ASCC2: variants seen among roughly 807,000 people sequenced by gnomAD.
ASCC2 encodes the protein activating signal cointegrator 1 complex subunit 2.
ASCC2 carries 42 observed loss-of-function variants against 93.5 expected under a neutral mutation model. That is an observed-to-expected ratio of 0.45 (90% confidence interval 0.35 to 0.58). ASCC2 has a LOEUF of 0.58. ASCC2 is among the 20% of genes least tolerant of loss of function. The pLI is 0.00. For synonymous variants in ASCC2, 364 were observed against 384.2 expected, an observed-to-expected ratio of 0.95 and a Z score of 0.62; for missense variants, 859 against 977.6, an observed-to-expected ratio of 0.88 and a Z score of 1.62.
intron 1 of ASCC2, among the ~76,000 whole-genome samples, chr22:29,834,852 AT>A (rs1044333953): frequency 7.3e-5 from 11 of 151,538 alleles, no homozygotes; most frequent in South Asian, 2.1e-4. Context: ...AATAATAATA[AT>A]TTTTTTTTCT....
At chr22:29,835,255 A>C (rs1264720381) in intron 1 of ASCC2, among the ~76,000 whole-genome samples, 1 of 152,066 alleles carries the variant, frequency 6.6e-6, no homozygotes, top group Non-Finnish European at 1.5e-5. Context: ...AAAATTAGTC[A>C]GGTGTGGTGG....
At position 29,822,451 on chromosome 22, in the gene ASCC2, G is replaced by C; in HGVS notation, c.425C>G (p.Ser142Cys). The change falls in exon 5 of 20, where the codon TCC becomes TGC. Residue 142 changes from serine to cysteine, a missense_variant. By Grantham distance (112) the Ser-to-Cys change is moderately radical (BLOSUM62 -1). Transcript: ENST00000307790. Reference sequence around the variant, plus strand: ...GAGGATTTCTCCAAACGCAGAAGGGGAAATGAAGTGATCCTAAGGAAAAAT... The same window carrying C: ...GAGGATTTCTCCAAACGCAGAAGGGCAAATGAAGTGATCCTAAGGAAAAAT... ...THKESKDHFISPSAFGEILYN... is the reference protein window; with the variant it reads ...THKESKDHFICPSAFGEILYN... 6.2e-7 allele frequency: 1 copy of C among 1,613,806 alleles called. No individual in the cohort carries two copies. The highest frequency in any genetic ancestry group is 8.5e-7 in the Non-Finnish European group (1 of 1,179,866).
intron 6 of ASCC2, among the ~76,000 whole-genome samples, chr22:29,815,459 G>A (rs190904104): frequency 1.3e-5 from 2 of 152,174 alleles, no homozygotes; most frequent in East Asian, 1.9e-4. Context: ...TTGAAAATAA[G>A]ACAAATCAAC....
intron 2 of ASCC2, among the ~76,000 whole-genome samples, chr22:29,829,671 C>A (rs777050902): frequency 4.6e-5 from 7 of 151,816 alleles, no homozygotes; most frequent in Non-Finnish European, 7.4e-5. Flanking sequence ...TGCACTCCAG[C>A]CTAGGCGACA....
chr22:29,801,861 G>T (rs776475759), intron 14 of ASCC2, 133 bp downstream of exon 14: 11 of 790,012 alleles, frequency 1.4e-5, no homozygotes, highest in Non-Finnish European at 2.2e-5. Flanking sequence ...CCCCAAAGAG[G>T]GCTTTAGTTT....
chr22:29,803,344 C>A (rs1487247600), intron 13 of ASCC2, among the ~76,000 whole-genome samples: 6 of 151,994 alleles, frequency 3.9e-5, no homozygotes. Flanking sequence ...GTATGACTTA[C>A]CAGCTGGGCT....
At chr22:29,806,413 G>C in intron 11 of ASCC2, 72 bp downstream of exon 11, 1 of 1,575,552 alleles carries the variant, frequency 6.3e-7, no homozygotes, top group Non-Finnish European at 8.7e-7. Flanking sequence ...CCTATAGCGG[G>C]GGTCTATCAT....
intron 15 of ASCC2, among the ~76,000 whole-genome samples, chr22:29,800,571 T>G (rs1735984881): frequency 6.6e-6 from 1 of 152,156 alleles, no homozygotes; most frequent in Admixed American, 6.6e-5. Context: ...TAGAAAGGCC[T>G]TAAAGTGGAA....
chr22:29,822,350 G>T lies in ASCC2; in HGVS notation c.526C>A (p.Leu176Ile). The T allele has an allele frequency of 6.2e-7, 1 of 1,614,064 alleles. No homozygotes were observed. Among genetic ancestry groups the T allele is most frequent in the Non-Finnish European group, 8.5e-7 (1 of 1,179,966 alleles). ...TCCTACACACCTATCATCTTCTGGA[G>T]CAGTGGTGAGTTGCCTTTTCCAAAG... Reference protein sequence around the residue: ...VLFGKGNSPLLQKMIGNIFTQ... With the variant: ...VLFGKGNSPLIQKMIGNIFTQ... The change falls in exon 5 of 20, where the codon CTC becomes ATC. Residue 176 changes from leucine to isoleucine, a missense_variant. Leu to Ile is a conservative substitution (Grantham distance 5). Transcript: ENST00000307790.
intron 1 of ASCC2, among the ~76,000 whole-genome samples, chr22:29,837,435 G>A (rs903480082): frequency 1.1e-4 from 15 of 134,028 alleles, no homozygotes; most frequent in Non-Finnish European, 2.4e-4. Flanking sequence ...CCCGTCTTGG[G>A]GGGAAAAAAT....
chr22:29,818,400 G>GCCTACA (rs1261493605), intron 5 of ASCC2, among the ~76,000 whole-genome samples: 10 of 56,168 alleles, frequency 1.8e-4, no homozygotes, highest in South Asian at 4.5e-4. Context: ...ATCACTCCCT[G>GCCTACA]CCTACACACA....
In ASCC2 at chr22:29,793,472, C is replaced by T. The variant is rs146488197; in HGVS notation, c.1807G>A (p.Glu603Lys). 1.4e-5 allele frequency: 22 copies of T among 1,614,048 alleles called. No homozygotes were observed. Among genetic ancestry groups the T allele is most frequent in the Middle Eastern group, 3.3e-4 (2 of 6,084 alleles). The change falls in exon 17 of 20, where the codon GAG becomes AAG. Residue 603 changes from glutamate (E) to lysine (K), a missense_variant. Transcript: ENST00000307790. ...TAGACACTGTGGTAGGGCAGGCTCT[C>T]GCCTGGCTGCAGTGGCACCTGCAAT... ...VVEEVPLQPG[E>K]SLPYHSVYYE...
At chr22:29,837,300 G>T (rs928998028) in intron 1 of ASCC2, among the ~76,000 whole-genome samples, 1 of 151,992 alleles carries the variant, frequency 6.6e-6, no homozygotes, top group African/African-American at 2.4e-5. Context: ...GGGCGTGGTG[G>T]TGCATGCCTG....
chr22:29,814,829 G>T, intron 6 of ASCC2, 62 bp from the exon 7 acceptor site: 2 of 1,357,004 alleles, frequency 1.5e-6, no homozygotes, highest in Non-Finnish European at 1.0e-6. Context: ...ACCCCTGGCA[G>T]CAGCCAGGGT....
chr22:29,807,379 C>T (rs1173593798), intron 9 of ASCC2, among the ~76,000 whole-genome samples: 1 of 152,266 alleles, frequency 6.6e-6, no homozygotes, highest in African/African-American at 2.4e-5. Context: ...CTGGCAAAAG[C>T]CATAGGCCCA....
Position 29,802,077 on chromosome 22 carries a change from G to A in ASCC2, c.1485C>T (p.His495=), listed in dbSNP as rs1314739150. Residue 495 remains histidine (H), a synonymous_variant, in exon 14 of 20, where the codon CAC becomes CAT. Coordinates refer to ENST00000307790, the MANE Select transcript of ASCC2 (RefSeq NM_032204.5). ...GFILACLEYY[H]YDPEQVINNI... The stretch of plus-strand genomic sequence containing the variant: ...TGTTGATCACCTGCTCTGGGTCGTA[G>A]TGGTAGTACTCCAGGCAGGCCAGGA... 6.2e-7 allele frequency: 1 copy of A among 1,614,220 alleles called. No homozygotes were observed. The highest frequency in any genetic ancestry group is 2.2e-5 in the East Asian group (1 of 44,882).
chr22:29,806,072 C>A, intron 12 of ASCC2, 144 bp downstream of exon 12: 2 of 824,810 alleles, frequency 2.4e-6, no homozygotes, highest in Non-Finnish European at 2.0e-6. Flanking sequence ...AAGGCTGGGA[C>A]CTTGGCAGGC....
Position 29,789,123 on chromosome 22 carries a change from C to T in ASCC2, c.2164G>A (p.Glu722Lys), listed in dbSNP as rs778352767. ...TTCTTCCTGCGTTCCTGGGTTGTCT[C>T]GCGGCTCTGCCCATGGCCTCGGGGG... is the stretch of plus-strand genomic sequence containing the variant. Reference protein sequence around the residue: ...GSPRGHGQSRETTQERRKKEA... With the variant: ...GSPRGHGQSRKTTQERRKKEA... The change falls in exon 20 of 20, where the codon GAG becomes AAG. Residue 722 changes from glutamate to lysine, a missense_variant. Coordinates refer to ENST00000307790, the MANE Select transcript of ASCC2 (RefSeq NM_032204.5). 46 of 1,614,026 alleles carry T rather than the reference C, an allele frequency of 2.9e-5. No individual in the cohort carries two copies. The highest frequency in any genetic ancestry group is 5.3e-5 in the African/African-American group (4 of 74,914).
chr22:29,838,271 A>C lies in ASCC2; in HGVS notation c.-111T>G, dbSNP rs1167198218. The C allele has an allele frequency of 4.3e-6, 2 of 463,380 alleles. No homozygotes were observed. The highest frequency in any genetic ancestry group is 8.7e-6 in the Non-Finnish European group (2 of 229,618). 28.7% of individuals were successfully genotyped at this position (463,380 alleles called of 1,614,324 possible). ...CTGAGCGCCCGCACTTCCGGGGTCAAACTGCGATTCCGCAGGAGCAGACAG... is the reference window on the plus strand; with the variant it reads ...CTGAGCGCCCGCACTTCCGGGGTCACACTGCGATTCCGCAGGAGCAGACAG... On this transcript the variant is annotated 5_prime_UTR_variant, in exon 1 of 20. Transcript: ENST00000307790.
Sources: gnomAD v4.1 joint callset for allele counts (sites outside exome capture counted in the v4.1 genomes callset) on GRCh38, gnomAD v4.1.1 for gene constraint, MANE v1.5 for transcripts, NCBI Gene and HGNC (gene_info 2026-07-23, HGNC 2026-07-21) for gene names.